MCTP1: variants seen among roughly 807,000 people sequenced by gnomAD.
The protein encoded by MCTP1 is multiple C2 and transmembrane domain containing 1, also known as multiple C2 and transmembrane domain-containing protein 1.
MCTP1 carries 69 observed loss-of-function variants against 120.6 expected under a neutral mutation model. The ratio of observed to expected loss-of-function variants is 0.57; its 90% confidence interval spans 0.47 to 0.70. MCTP1 has a LOEUF of 0.70. MCTP1 is among the 30% of genes least tolerant of loss of function. The pLI is 0.00. For synonymous variants in MCTP1, 529 were observed against 493.1 expected, an observed-to-expected ratio of 1.07 and a Z score of -0.96; for missense variants, 1,203 against 1,248.8, an observed-to-expected ratio of 0.96 and a Z score of 0.55.
intron 19 of MCTP1, among the ~76,000 whole-genome samples, chr5:94,776,389 G>A (rs1007208275): frequency 1.3e-5 from 2 of 152,044 alleles, no homozygotes; most frequent in African/African-American, 4.8e-5. Context: ...CCTGCCAGGG[G>A]TCTTGGCAGA....
chr5:94,710,124 G>C (rs562518972), intron 21 of MCTP1: 3 of 152,018 alleles, frequency 2.0e-5, no homozygotes, highest in Admixed American at 6.6e-5. Context: ...AGATCCTAGA[G>C]ACTGAAAATT....
chr5:95,212,793 G>T (rs1309677586), intron 1 of MCTP1, among the ~76,000 whole-genome samples: 1 of 152,002 alleles, frequency 6.6e-6, no homozygotes, highest in Non-Finnish European at 1.5e-5. Flanking sequence ...TGCAGAAAAG[G>T]CCTTTGAAAA....
At chr5:94,740,090 G>A (rs915699961) in intron 19 of MCTP1, among the ~76,000 whole-genome samples, 6 of 152,180 alleles carry the variant, frequency 3.9e-5, no homozygotes, top group African/African-American at 1.2e-4. Flanking sequence ...GGAAATATAT[G>A]TATATGTACA....
intron 19 of MCTP1, among the ~76,000 whole-genome samples, chr5:94,745,224 G>A (rs1451255997): frequency 6.6e-6 from 1 of 152,206 alleles, no homozygotes; most frequent in Non-Finnish European, 1.5e-5. Flanking sequence ...ATGCCCACAA[G>A]TGAACAAACC....
chr5:94,772,574 C>G (rs2152907395), intron 19 of MCTP1, among the ~76,000 whole-genome samples: 1 of 152,260 alleles, frequency 6.6e-6, no homozygotes, highest in African/African-American at 2.4e-5. Context: ...CATGACATCT[C>G]CATAGGTTCC....
At position 94,951,112 on chromosome 5, in the gene MCTP1, C is replaced by T. The variant is rs145474951; in HGVS notation, c.981+2107G>A. 4.4e-3 allele frequency among the ~76,000 whole-genome samples: 674 copies of T among 152,210 alleles called. 5 individuals are homozygous for T. The highest frequency in any genetic ancestry group is 0.015 in the African/African-American group (629 of 41,520). On this transcript the variant is annotated intron_variant, in intron 3 of 22. Transcript: ENST00000515393. ...GAATTTTTCATCATCTAGCCCCTTG[C>T]TACCCCCTCATCCTTCCAACTGTCC...
At chr5:95,092,869 G>A (rs1207297746) in intron 1 of MCTP1, among the ~76,000 whole-genome samples, 1 of 152,206 alleles carries the variant, frequency 6.6e-6, no homozygotes, top group Admixed American at 6.5e-5. Flanking sequence ...TAGGCAGACA[G>A]TGGACCTCTA....
At chr5:94,842,353 A>T (rs113873976) in intron 17 of MCTP1, among the ~76,000 whole-genome samples, 3 of 152,292 alleles carry the variant, frequency 2.0e-5, no homozygotes, top group South Asian at 2.1e-4. Context: ...AATTACACAC[A>T]CACATACTGG....
At chr5:94,990,856 T>A (rs529968287) in intron 2 of MCTP1, among the ~76,000 whole-genome samples, 1 of 150,944 alleles carries the variant, frequency 6.6e-6, no homozygotes, top group East Asian at 1.9e-4. Context: ...AAGGCACAGA[T>A]AAATCACAGA....
At chr5:94,877,442 T>C (rs748120452) in intron 12 of MCTP1, among the ~76,000 whole-genome samples, 13 of 152,102 alleles carry the variant, frequency 8.5e-5, no homozygotes, top group Admixed American at 2.0e-4. Flanking sequence ...CTTGAGAGAC[T>C]CTTTTACCCT....
In MCTP1 at chr5:95,284,247, C is replaced by G. The variant is rs760522131; in HGVS notation, c.329G>C (p.Gly110Ala). The G allele has an allele frequency of 1.3e-6, 2 of 1,588,298 alleles. No homozygotes were observed. The highest frequency in any genetic ancestry group is 1.4e-5 in the African/African-American group (1 of 73,742). ...CCCCTGCTCGGCTCTGCCGGCGCCG[C>G]CGGGCTCCAGGGGCTCCGGCGACGA... ...CCSSPEPLEP[G>A]GAGRAEQGST... The change falls in exon 1 of 23, where the codon GGC (glycine) becomes GCC (alanine). Residue 110 changes from glycine (G) to alanine (A), a missense_variant. Physicochemically the swap from Gly to Ala is moderately conservative, Grantham distance 60. Transcript: ENST00000515393. This position sits in a 1 kb window ranked among gnomAD's most constrained non-coding sequence, Gnocchi z 5.2.
At chr5:95,244,009 C>T (rs911545354) in intron 1 of MCTP1, among the ~76,000 whole-genome samples, 2 of 152,160 alleles carry the variant, frequency 1.3e-5, no homozygotes, top group African/African-American at 4.8e-5. Flanking sequence ...AAAATCATCT[C>T]TAGGATGTTT....
chr5:95,279,925 T>C (rs113588709), intron 1 of MCTP1, among the ~76,000 whole-genome samples: 1,564 of 152,326 alleles, frequency 0.01, 16 homozygotes, highest in African/African-American at 0.035. Context: ...ATAAAGCTAC[T>C]AACATTGTTT....
rs141891288 is a variant in MCTP1 at position 94,752,509 on chromosome 5, G to A, written c.2610+26601C>T. 8.0e-3 allele frequency among the ~76,000 whole-genome samples: 1,221 copies of A among 152,146 alleles called. 32 individuals are homozygous for A. The highest frequency in any genetic ancestry group is 0.051 in the Admixed American group (779 of 15,282). ...AAATTCTCAAACTCAGGTGCCTAAG[G>A]ACCACCCAGTTAAAACAATTCCTAG... On this transcript the variant is annotated intron_variant, in intron 19 of 22. Coordinates refer to ENST00000515393, the MANE Select transcript of MCTP1 (RefSeq NM_024717.7).
chr5:95,252,031 T>C (rs1457696835), intron 1 of MCTP1, among the ~76,000 whole-genome samples: 2 of 152,126 alleles, frequency 1.3e-5, no homozygotes, highest in Non-Finnish European at 2.9e-5. Context: ...ACAGGCAATC[T>C]GCTAAGAGAT....
At chr5:95,192,790 G>A (rs984601285) in intron 1 of MCTP1, among the ~76,000 whole-genome samples, 3 of 152,056 alleles carry the variant, frequency 2.0e-5, no homozygotes, top group African/African-American at 7.2e-5. Flanking sequence ...ATGGCTGTTT[G>A]TGTCAGTATT....
At chr5:95,236,874 T>C (rs1755598803) in intron 1 of MCTP1, among the ~76,000 whole-genome samples, 1 of 152,204 alleles carries the variant, frequency 6.6e-6, no homozygotes, top group African/African-American at 2.4e-5. Context: ...CCTCCGTCCT[T>C]GAAGACTCTG....
intron 15 of MCTP1, among the ~76,000 whole-genome samples, 187 bp downstream of exon 15, chr5:94,870,685 C>G (rs293058): frequency 6.6e-6 from 1 of 151,952 alleles, no homozygotes; most frequent in African/African-American, 2.4e-5. Flanking sequence ...AGAACACAAC[C>G]GCAGCAGCAT....
intron 7 of MCTP1, 131 bp downstream of exon 7, chr5:94,923,831 A>C (rs1382429923): frequency 1.8e-6 from 1 of 558,144 alleles, no homozygotes; most frequent in East Asian, 3.5e-5. Flanking sequence ...GAAGATAATA[A>C]AGAAGGCAAA....
Sources: allele counts gnomAD v4.1 joint callset (sites outside exome capture counted in the v4.1 genomes callset), GRCh38; gene constraint gnomAD v4.1.1; non-coding constraint Gnocchi (gnomAD v3.1); transcripts MANE v1.5; gene names NCBI Gene and HGNC (gene_info 2026-07-23, HGNC 2026-07-21).